Variants in SGCZ observed in about 807,000 individuals in gnomAD.
The protein encoded by SGCZ is sarcoglycan zeta.
SGCZ carries 40 observed loss-of-function variants against 41.3 expected under a neutral mutation model. The observed-to-expected ratio is 0.97, with a 90% confidence interval of 0.75 to 1.26. The LOEUF (loss-of-function observed/expected upper bound fraction) is 1.26. SGCZ is among the 50% of genes most tolerant of loss of function. The pLI, the probability that SGCZ is intolerant of heterozygous loss-of-function variation, is 0.00. For missense variants in SGCZ, 552 were observed against 369.8 expected (o/e 1.49, Z -4.04); for synonymous variants, 206 against 137.5 (o/e 1.50, Z -3.49).
intron 1 of SGCZ, among the ~76,000 whole-genome samples, chr8:14,688,796 T>G (rs1808702936): frequency 1.3e-5 from 2 of 152,090 alleles, no homozygotes; most frequent in African/African-American, 4.8e-5. Context: ...TAAAGGGTAT[T>G]CAATTAGGAA....
intron 2 of SGCZ, among the ~76,000 whole-genome samples, chr8:14,550,772 G>A (rs1452133816): frequency 2.0e-5 from 3 of 151,918 alleles, no homozygotes; most frequent in Non-Finnish European, 4.4e-5. Context: ...ACATCATATT[G>A]CCATAAAAAA....
At chr8:14,958,185 G>A (rs912562337) in intron 1 of SGCZ, among the ~76,000 whole-genome samples, 4 of 151,846 alleles carry the variant, frequency 2.6e-5, no homozygotes, top group African/African-American at 9.7e-5. Flanking sequence ...AACAAAAAGA[G>A]TAACAGTTTA....
chr8:15,174,044 T>C (rs1040842578), intron 1 of SGCZ, among the ~76,000 whole-genome samples: 13 of 152,192 alleles, frequency 8.5e-5, no homozygotes, highest in African/African-American at 3.1e-4. Context: ...ACATTCTTTT[T>C]AGTGTGCACT....
At chr8:14,980,806 T>C (rs868002863) in intron 1 of SGCZ, among the ~76,000 whole-genome samples, 7 of 152,218 alleles carry the variant, frequency 4.6e-5, no homozygotes, top group Middle Eastern at 3.4e-3. Flanking sequence ...GAGATATGGG[T>C]GGGGACACAG....
At chr8:14,991,548 T>C (rs1563416646) in intron 1 of SGCZ, among the ~76,000 whole-genome samples, 1 of 152,128 alleles carries the variant, frequency 6.6e-6, no homozygotes, top group Non-Finnish European at 1.5e-5. Flanking sequence ...GATGCTTTCC[T>C]TGAATATTAT....
intron 1 of SGCZ, among the ~76,000 whole-genome samples, chr8:14,629,107 C>T (rs979158487): frequency 6.6e-6 from 1 of 152,076 alleles, no homozygotes; most frequent in Non-Finnish European, 1.5e-5. Flanking sequence ...GATTTTATTT[C>T]TTATTTTTGC....
chr8:14,552,760 T>C (rs79625908), intron 2 of SGCZ, among the ~76,000 whole-genome samples: 7,742 of 152,086 alleles, frequency 0.051, 278 homozygotes, highest in Admixed American at 0.098. Flanking sequence ...GGCAAAGTAT[T>C]GGGAGTCTGA....
At chr8:14,935,805 G>A (rs1259259257) in intron 1 of SGCZ, among the ~76,000 whole-genome samples, 4 of 151,484 alleles carry the variant, frequency 2.6e-5, no homozygotes, top group East Asian at 1.9e-4. Flanking sequence ...TAAGATAGAC[G>A]AAAGATCAAA....
At chr8:15,148,216 G>A (rs1052579154) in intron 1 of SGCZ, among the ~76,000 whole-genome samples, 11 of 152,208 alleles carry the variant, frequency 7.2e-5, no homozygotes, top group African/African-American at 2.4e-4. Context: ...ATTAAGTGAA[G>A]AAAACAATTC....
At chr8:14,563,922 ACG>A (rs1804281310) in intron 1 of SGCZ, among the ~76,000 whole-genome samples, 2 of 152,100 alleles carry the variant, frequency 1.3e-5, no homozygotes, top group African/African-American at 2.4e-5. Flanking sequence ...AATATTACTC[ACG>A]TAAACCCTGA....
At chr8:14,927,720 A>AG (rs1489504153) in intron 1 of SGCZ, among the ~76,000 whole-genome samples, 2 of 152,216 alleles carry the variant, frequency 1.3e-5, no homozygotes, top group Non-Finnish European at 2.9e-5. Flanking sequence ...TAAAACATTG[A>AG]GAAAAAGAAT....
intron 1 of SGCZ, among the ~76,000 whole-genome samples, chr8:15,040,769 G>A (rs931254144): frequency 9.2e-5 from 14 of 152,136 alleles, no homozygotes; most frequent in Non-Finnish European, 1.5e-4. Context: ...AAAAAGTCAC[G>A]TCACTAGGGT....
At chr8:14,801,378 G>T (rs1378212244) in intron 1 of SGCZ, among the ~76,000 whole-genome samples, 2 of 152,104 alleles carry the variant, frequency 1.3e-5, no homozygotes, top group African/African-American at 4.8e-5. Flanking sequence ...ATGAAGTATG[G>T]TAAGTGATAT....
chr8:14,820,174 A>T (rs1802032178), intron 1 of SGCZ, among the ~76,000 whole-genome samples: 1 of 152,048 alleles, frequency 6.6e-6, no homozygotes, highest in South Asian at 2.1e-4. Flanking sequence ...AACTAAATGG[A>T]AGGCATAGAA....
intron 2 of SGCZ, among the ~76,000 whole-genome samples, chr8:14,516,438 C>T (rs564493549): frequency 6.6e-6 from 1 of 152,018 alleles, no homozygotes; most frequent in Non-Finnish European, 1.5e-5. Context: ...ATCTAAGACA[C>T]ATTTATCAAT....
intron 4 of SGCZ, among the ~76,000 whole-genome samples, chr8:14,167,909 A>G (rs888918014): frequency 1.3e-5 from 2 of 152,192 alleles, no homozygotes; most frequent in African/African-American, 2.4e-5. Flanking sequence ...GGTCAAATAC[A>G]TGAATTGGAA....
At chr8:14,978,769 C>G (rs114999264) in intron 1 of SGCZ, among the ~76,000 whole-genome samples, 1 of 150,652 alleles carries the variant, frequency 6.6e-6, no homozygotes, top group Middle Eastern at 3.2e-3. Flanking sequence ...AAATTGATGA[C>G]GGATTTCCTG....
At chr8:14,771,428 C>T (rs1453175933) in intron 1 of SGCZ, among the ~76,000 whole-genome samples, 1 of 152,110 alleles carries the variant, frequency 6.6e-6, no homozygotes, top group Non-Finnish European at 1.5e-5. Context: ...TCTCCCTTAA[C>T]TGTACTTTCA....
At chr8:15,184,776 T>C (rs938689882) in intron 1 of SGCZ, among the ~76,000 whole-genome samples, 2 of 152,152 alleles carry the variant, frequency 1.3e-5, no homozygotes, top group African/African-American at 4.8e-5. Flanking sequence ...TAATATCGGG[T>C]GATGTTGATT....
Sources: gnomAD v4.1 joint callset for allele counts (sites outside exome capture counted in the v4.1 genomes callset) on GRCh38, gnomAD v4.1.1 for gene constraint, MANE v1.5 for transcripts, NCBI Gene and HGNC (gene_info 2026-07-23, HGNC 2026-07-21) for gene names.